ABCG1: variants seen among roughly 807,000 people sequenced by gnomAD.
The protein encoded by ABCG1 is ATP-binding cassette sub-family G member 1.
A neutral mutation model predicts 69.2 loss-of-function variants in ABCG1; 29 were observed. That is an observed-to-expected ratio of 0.42 (90% CI 0.31 to 0.57). The LOEUF is 0.57. Ranked by LOEUF, ABCG1 falls within the 20% of genes least tolerant of loss-of-function variation. The pLI is 0.15. For synonymous variants in ABCG1, 370 were observed against 374.8 expected (o/e 0.99, Z 0.15); for missense variants, 718 against 898.1 (o/e 0.80, Z 2.56).
intron 2 of ABCG1, among the ~76,000 whole-genome samples, chr21:42,237,865 G>A (rs1199673882): frequency 6.6e-6 from 1 of 152,170 alleles, no homozygotes; most frequent in African/African-American, 2.4e-5. Context: ...GGAATGGTAA[G>A]AGCCTGGATT....
chr21:42,248,045 T>A (rs1328533464), intron 2 of ABCG1, among the ~76,000 whole-genome samples: 4 of 152,128 alleles, frequency 2.6e-5, no homozygotes, highest in African/African-American at 9.7e-5. Context: ...TCACTAATAT[T>A]ATACAAAAGA....
upstream of ABCG1, among the ~76,000 whole-genome samples, chr21:42,216,477 C>T (rs189713539): frequency 7.2e-5 from 11 of 152,320 alleles, no homozygotes; most frequent in East Asian, 2.1e-3. Flanking sequence ...TTAACCTTCT[C>T]ATTTCATCCC....
intron 2 of ABCG1, among the ~76,000 whole-genome samples, chr21:42,266,223 C>T (rs1046450847): frequency 5.9e-5 from 9 of 152,128 alleles, no homozygotes; most frequent in Admixed American, 2.0e-4. Flanking sequence ...ATCGCTTGAA[C>T]CCAAGAGGCA....
chr21:42,249,756 G>T (rs1464729637), intron 2 of ABCG1, among the ~76,000 whole-genome samples: 1 of 152,024 alleles, frequency 6.6e-6, no homozygotes, highest in Non-Finnish European at 1.5e-5. Flanking sequence ...CTGTAATCCC[G>T]GCACTTTGGG....
chr21:42,280,810 C>T (rs2068794891), intron 5 of ABCG1, among the ~76,000 whole-genome samples: 2 of 152,262 alleles, frequency 1.3e-5, no homozygotes, highest in South Asian at 4.1e-4. Flanking sequence ...AGAGCGTCGC[C>T]CAGTGGTTCC....
rs551970 is a variant in ABCG1 at position 42,283,784 on chromosome 21, A to G, written c.735-776A>G. On this transcript the variant is annotated intron_variant, in intron 6 of 14. Coordinates refer to ENST00000398449, the MANE Select transcript of ABCG1 (RefSeq NM_016818.3). The stretch of plus-strand genomic sequence containing the variant: ...CTGGACAGTTGTGAAGTACCCCCCA[A>G]CCCAGATGAGTGGGGACCCCCCCAC... 9.7e-3 allele frequency among the ~76,000 whole-genome samples: 159 copies of G among 16,344 alleles called. 2 individuals are homozygous for G. Among genetic ancestry groups the G allele is most frequent in the South Asian group, 0.019 (8 of 426 alleles). The allele number at this position is 16,344 out of a possible 152,430, so 10.7% of individuals were successfully genotyped here.
At chr21:42,237,259 C>T (rs868395880) in intron 2 of ABCG1, among the ~76,000 whole-genome samples, 10 of 152,222 alleles carry the variant, frequency 6.6e-5, no homozygotes, top group Non-Finnish European at 1.5e-4. Flanking sequence ...CTTAGCCTGG[C>T]CAGCAGGGCT....
At chr21:42,289,678 A>T (rs1370022099) in intron 10 of ABCG1, among the ~76,000 whole-genome samples, 1 of 152,124 alleles carries the variant, frequency 6.6e-6, no homozygotes, top group Non-Finnish European at 1.5e-5. Context: ...GAGTTCTTAG[A>T]GCCTCTGATA....
At chr21:42,241,952 T>G (rs2068057900) in intron 2 of ABCG1, among the ~76,000 whole-genome samples, 1 of 129,924 alleles carries the variant, frequency 7.7e-6, no homozygotes, top group African/African-American at 3.1e-5. Flanking sequence ...CACTCCAGCC[T>G]GGACAACAGA....
In ABCG1 at chr21:42,273,445, G is replaced by A. The variant is rs756514121; in HGVS notation, c.537+10G>A. ...GCAGGAGGCCATGATGGTGAGCTCC[G>A]CCCTGCCCCGCCCCACTCCGCCCCT... On this transcript the variant is annotated intron_variant, in intron 4 of 14. Coordinates refer to ENST00000398449, the MANE Select transcript of ABCG1 (RefSeq NM_016818.3). This position sits in a 1 kb window ranked among gnomAD's most constrained non-coding sequence, Gnocchi z 5.3. 31 of 1,610,166 alleles carry A rather than the reference G, an allele frequency of 1.9e-5. No individual in the cohort carries two copies. Among genetic ancestry groups the A allele is most frequent in the African/African-American group, 2.7e-5 (2 of 74,830 alleles).
intron 2 of ABCG1, among the ~76,000 whole-genome samples, chr21:42,270,845 G>A (rs1194516465): frequency 1.3e-5 from 2 of 152,128 alleles, no homozygotes; most frequent in Non-Finnish European, 2.9e-5. Context: ...CATTACACAC[G>A]TGCTGGTAAT....
At chr21:42,292,104 A>G (rs962690296) in intron 13 of ABCG1, among the ~76,000 whole-genome samples, 1 of 150,620 alleles carries the variant, frequency 6.6e-6, no homozygotes, top group African/African-American at 2.5e-5. Flanking sequence ...TCCTCCTCCC[A>G]TCGCCCACCC....
chr21:42,251,701 C>G lies in ABCG1; in HGVS notation c.287-19369C>G, dbSNP rs534817229. Among the ~76,000 whole-genome samples the G allele has an allele frequency of 4.9e-4, 75 of 152,290 alleles. 1 individual carries two copies. The South Asian group carries it at 0.012, about 25-fold the overall frequency. ...AATTGTGGAAAGAAGGCCTTGAACCCCAGGCCTAGGCACAGTCGGTCCTAG... is the reference window on the plus strand; with the variant it reads ...AATTGTGGAAAGAAGGCCTTGAACCGCAGGCCTAGGCACAGTCGGTCCTAG... On this transcript the variant is annotated intron_variant, in intron 2 of 14. Transcript: ENST00000398449.
intron 5 of ABCG1, among the ~76,000 whole-genome samples, chr21:42,278,010 TG>T (rs2068740804): frequency 6.6e-6 from 1 of 152,190 alleles, no homozygotes; most frequent in African/African-American, 2.4e-5. Flanking sequence ...TCACCGGGGC[TG>T]GGGGGTGAAA....
At chr21:42,201,651 G>C (rs141860515) in exon 2 of ABCG1, 2 of 1,602,928 alleles carry the variant, frequency 1.2e-6, no homozygotes, top group East Asian at 2.2e-5. Context: ...AGGGATCACC[G>C]ACTCTGTGCC....
At chr21:42,248,481 T>C (rs1483152058) in intron 2 of ABCG1, among the ~76,000 whole-genome samples, 2 of 152,164 alleles carry the variant, frequency 1.3e-5, no homozygotes, top group Non-Finnish European at 2.9e-5. Flanking sequence ...GAGTTGAAGA[T>C]ACGCACCCTC....
At chr21:42,293,266 A>C (rs2069121062) in intron 13 of ABCG1, among the ~76,000 whole-genome samples, 1 of 135,798 alleles carries the variant, frequency 7.4e-6, no homozygotes, top group African/African-American at 3.2e-5. Flanking sequence ...ACCATACACT[A>C]CACACATACC....
intron 2 of ABCG1, among the ~76,000 whole-genome samples, chr21:42,241,886 G>A (rs1057395039): frequency 6.7e-6 from 1 of 148,442 alleles, no homozygotes; most frequent in African/African-American, 2.5e-5. Context: ...GCTGAGGTGG[G>A]AGGATCACTT....
upstream of ABCG1, among the ~76,000 whole-genome samples, chr21:42,218,905 C>A (rs571530568): frequency 1.3e-5 from 2 of 152,306 alleles, no homozygotes; most frequent in South Asian, 2.1e-4. Context: ...CCAGCCCCCG[C>A]GAGTTCGGGA....
Sources: gnomAD v4.1 joint callset for allele counts (sites outside exome capture counted in the v4.1 genomes callset) on GRCh38, gnomAD v4.1.1 for gene constraint, Gnocchi (gnomAD v3.1) non-coding constraint, MANE v1.5 for transcripts, NCBI Gene and HGNC (gene_info 2026-07-23, HGNC 2026-07-21) for gene names.